The following GPHN variants were observed in gnomAD, a reference collection of about 807,000 sequenced individuals.
GPHN encodes gephyrin.
In GPHN, 17 loss-of-function variants were observed where a neutral mutation model predicts 95.5. The ratio of observed to expected loss-of-function variants is 0.18; its 90% CI spans 0.12 to 0.27. GPHN has a LOEUF of 0.27. GPHN is among the 10% of genes least tolerant of loss of function. The probability of loss-of-function intolerance (pLI) is 1.00; values close to 1 mark genes in which losing one functional copy is unlikely to be tolerated. For synonymous variants in GPHN, 320 were observed against 322.5 expected (o/e 0.99, Z 0.08); for missense variants, 660 against 978.1 (o/e 0.67, Z 4.34).
chr14:66,521,197 T>G (rs1442893552), intron 1 of GPHN, among the ~76,000 whole-genome samples: 1 of 152,200 alleles, frequency 6.6e-6, no homozygotes, highest in Non-Finnish European at 1.5e-5. Flanking sequence ...GGTAGAATGA[T>G]TTCTATTTCT....
chr14:67,095,605 A>C, intron 12 of GPHN, among the ~76,000 whole-genome samples: 1 of 147,940 alleles, frequency 6.8e-6, no homozygotes, highest in Non-Finnish European at 1.5e-5. Context: ...AGCCATAAAA[A>C]ACGATGAGTT....
intron 1 of GPHN, among the ~76,000 whole-genome samples, chr14:66,659,464 T>A (rs2065506859): frequency 1.3e-5 from 2 of 152,114 alleles, no homozygotes; most frequent in South Asian, 4.1e-4. Flanking sequence ...TACTGTTGAG[T>A]TCTTCTGTAT....
At chr14:67,565,603 A>T in the GPHN span, among the ~76,000 whole-genome samples, 6 of 152,164 alleles carry the variant, frequency 3.9e-5, no homozygotes, top group African/African-American at 1.4e-4. Flanking sequence ...CTTAAGGGAC[A>T]TTGCCAGAGC....
chr14:67,238,013 A>G, the GPHN span, among the ~76,000 whole-genome samples: 3 of 152,104 alleles, frequency 2.0e-5, no homozygotes, highest in African/African-American at 4.8e-5. Context: ...AAAGTAGTTA[A>G]CCCCTTTACA....
downstream of GPHN, among the ~76,000 whole-genome samples, chr14:67,183,670 TCTC>T (rs1207271032): frequency 1.3e-5 from 2 of 151,314 alleles, no homozygotes; most frequent in African/African-American, 2.4e-5. Flanking sequence ...TTCAAGCAAT[TCTC>T]CTGCCTCAGC....
At chr14:66,513,748 GA>G (rs994313138) in intron 1 of GPHN, among the ~76,000 whole-genome samples, 6 of 151,800 alleles carry the variant, frequency 4.0e-5, no homozygotes, top group African/African-American at 1.4e-4. Context: ...TTTTTTGAGT[GA>G]CCTCTCAAAA....
intron 9 of GPHN, among the ~76,000 whole-genome samples, chr14:66,974,943 A>G (rs1371212538): frequency 1.3e-5 from 2 of 152,142 alleles, no homozygotes; most frequent in Non-Finnish European, 2.9e-5. Context: ...TATTTGCTTC[A>G]TAGGGTTGTC....
the GPHN span, chr14:67,722,368 C>T: frequency 1.8e-6 from 1 of 549,704 alleles, no homozygotes; most frequent in Non-Finnish European, 3.3e-6. Context: ...CCCACATTCT[C>T]TTTGCCAGTA....
At chr14:67,034,149 G>C (rs908607071) in intron 10 of GPHN, among the ~76,000 whole-genome samples, 2 of 151,988 alleles carry the variant, frequency 1.3e-5, no homozygotes, top group African/African-American at 4.8e-5. Flanking sequence ...CACTGGTAAA[G>C]GAAAATATAT....
chr14:67,552,456 A>G, the GPHN span, among the ~76,000 whole-genome samples: 2 of 152,234 alleles, frequency 1.3e-5, no homozygotes, highest in East Asian at 1.9e-4. Context: ...TTGAGTGTCA[A>G]GTGTCCTTGC....
the GPHN span, among the ~76,000 whole-genome samples, chr14:67,404,598 C>G: frequency 6.6e-6 from 1 of 151,858 alleles, no homozygotes; most frequent in Non-Finnish European, 1.5e-5. Context: ...TCACTTGAGC[C>G]TAGGACTTCA....
At chr14:66,631,118 G>A (rs2063785811) in intron 1 of GPHN, among the ~76,000 whole-genome samples, 2 of 151,358 alleles carry the variant, frequency 1.3e-5, no homozygotes, top group South Asian at 2.1e-4. Flanking sequence ...TGGTGCTGTC[G>A]GCTCACTGTA....
intron 2 of GPHN, among the ~76,000 whole-genome samples, chr14:66,717,027 C>A (rs2070248607): frequency 6.6e-6 from 1 of 152,030 alleles, no homozygotes; most frequent in South Asian, 2.1e-4. Context: ...TCCAGGTGTT[C>A]TTTGTGCCTA....
chr14:66,689,755 C>T (rs75013386), intron 2 of GPHN, among the ~76,000 whole-genome samples: 194 of 152,066 alleles, frequency 1.3e-3, no homozygotes, highest in East Asian at 2.7e-3. Context: ...CTTCTTGGCT[C>T]AGTTGTGGTA....
At chr14:67,673,074 A>G in the GPHN span, among the ~76,000 whole-genome samples, 1 of 152,170 alleles carries the variant, frequency 6.6e-6, no homozygotes, top group East Asian at 1.9e-4. Flanking sequence ...CTCAGAGAGG[A>G]CTTTCACAAC....
chr14:66,548,989 T>G (rs527654368), intron 1 of GPHN, among the ~76,000 whole-genome samples: 2 of 152,222 alleles, frequency 1.3e-5, no homozygotes, highest in Non-Finnish European at 2.9e-5. Context: ...CTACCATTTC[T>G]GACTTTTTAC....
the GPHN span, among the ~76,000 whole-genome samples, chr14:67,680,527 G>A: frequency 3.9e-5 from 6 of 152,144 alleles, no homozygotes; most frequent in African/African-American, 1.4e-4. Flanking sequence ...GCAGTGGTGT[G>A]ATCGCAGCTC....
the GPHN span, among the ~76,000 whole-genome samples, chr14:67,598,911 T>G: frequency 6.7e-6 from 1 of 149,090 alleles, no homozygotes; most frequent in Non-Finnish European, 1.5e-5. Flanking sequence ...GGTTTCACCA[T>G]GTTGGCCAGG....
rs560898441 is a variant in GPHN, at chr14:67,025,865, G to C, written c.1006+2190G>C. On this transcript the variant is annotated intron_variant, in intron 10 of 22. Coordinates refer to ENST00000478722, the MANE Select transcript of GPHN (RefSeq NM_020806.5). ...TGAACCTCTTTCGTGGCCACCAAAT[G>C]TGAACAAGCTCTCACAACCCCTTGC... 5.9e-5 allele frequency among the ~76,000 whole-genome samples: 9 copies of C among 152,284 alleles called. No homozygotes were observed. The South Asian group carries it at 1.0e-3, about 18-fold the overall frequency.
Sources: allele counts gnomAD v4.1 joint callset (sites outside exome capture counted in the v4.1 genomes callset), GRCh38; gene constraint gnomAD v4.1.1; transcripts MANE v1.5; gene names NCBI Gene and HGNC (gene_info 2026-07-23, HGNC 2026-07-21).